The following LYRM4 variants were observed in gnomAD, a reference collection of about 807,000 sequenced individuals.
LYRM4 encodes LYR motif-containing protein 4.
A neutral mutation model predicts 11.7 loss-of-function variants in LYRM4; 9 were observed. The observed-to-expected ratio is 0.77, with a 90% CI of 0.46 to 1.34. The LOEUF is 1.34. Ranked by LOEUF, LYRM4 falls within the 40% of genes most tolerant of loss-of-function variation. The pLI is 0.00. For synonymous variants in LYRM4, 42 were observed against 40.4 expected (o/e 1.04, Z -0.15); for missense variants, 133 against 112.5 (o/e 1.18, Z -0.82).
chr6:5,224,617 CAAT>C (rs1289328278), intron 1 of LYRM4, among the ~76,000 whole-genome samples: 3 of 152,096 alleles, frequency 2.0e-5, no homozygotes, highest in African/African-American at 4.8e-5. Flanking sequence ...CCTAAGTTTT[CAAT>C]AATAGAGAAT....
the LYRM4 span, among the ~76,000 whole-genome samples, chr6:5,048,210 G>A: frequency 6.6e-6 from 1 of 152,048 alleles, no homozygotes; most frequent in Non-Finnish European, 1.5e-5. Context: ...ACTTTTCCAT[G>A]TGATAAATCT....
the LYRM4 span, among the ~76,000 whole-genome samples, chr6:5,062,042 T>C: frequency 1.3e-4 from 19 of 151,152 alleles, no homozygotes; most frequent in Non-Finnish European, 2.5e-4. Flanking sequence ...TAAAATACTA[T>C]TATTTTCATT....
chr6:5,215,529 T>C (rs961640203), intron 2 of LYRM4, among the ~76,000 whole-genome samples: 7 of 152,196 alleles, frequency 4.6e-5, no homozygotes, highest in Admixed American at 2.6e-4. Flanking sequence ...CAAGGATGGT[T>C]AGGAGAATCC....
chr6:5,171,975 T>C (rs1205032333), intron 2 of LYRM4, among the ~76,000 whole-genome samples: 2 of 152,178 alleles, frequency 1.3e-5, no homozygotes, highest in Non-Finnish European at 2.9e-5. Flanking sequence ...AACATAACAG[T>C]GACACCCACA....
chr6:5,038,210 C>G, the LYRM4 span, among the ~76,000 whole-genome samples: 3 of 59,694 alleles, frequency 5.0e-5, no homozygotes, highest in African/African-American at 8.9e-5. Context: ...AGACGATGGG[C>G]GGCCGGGCAG....
chr6:5,245,161 T>TATAA (rs1352257340), intron 1 of LYRM4, among the ~76,000 whole-genome samples: 19 of 72,514 alleles, frequency 2.6e-4, no homozygotes, highest in African/African-American at 1.0e-3. Context: ...TATATATATA[T>TATAA]ATAAAATAGG....
At chr6:5,040,372 C>G in the LYRM4 span, among the ~76,000 whole-genome samples, 98 of 148,092 alleles carry the variant, frequency 6.6e-4, 1 homozygote, top group African/African-American at 2.3e-3. Context: ...TACATACATA[C>G]ATACATACAT....
At chr6:5,194,571 A>G (rs1760944524) in intron 2 of LYRM4, among the ~76,000 whole-genome samples, 1 of 152,238 alleles carries the variant, frequency 6.6e-6, no homozygotes, top group Admixed American at 6.5e-5. Context: ...GTTAAATGCA[A>G]TAGCATTGTT....
chr6:5,106,550 A>C (rs879510656), downstream of LYRM4: 1 of 152,308 alleles, frequency 6.6e-6, no homozygotes, highest in African/African-American at 2.4e-5. Context: ...AGTTAGCAGC[A>C]GGACGGAGTA....
chr6:5,239,443 G>A (rs1195442399), intron 1 of LYRM4, among the ~76,000 whole-genome samples: 1 of 152,074 alleles, frequency 6.6e-6, no homozygotes, highest in African/African-American at 2.4e-5. Flanking sequence ...GACAAATGGA[G>A]GGGAATCACT....
the LYRM4 span, among the ~76,000 whole-genome samples, chr6:5,045,521 T>C: frequency 1.3e-5 from 2 of 152,170 alleles, no homozygotes; most frequent in African/African-American, 2.4e-5. Context: ...AAGATGAAAA[T>C]GTTCTGGAAA....
At chr6:5,134,602 TAC>T (rs1244427202) in intron 2 of LYRM4, among the ~76,000 whole-genome samples, 4 of 152,230 alleles carry the variant, frequency 2.6e-5, no homozygotes, top group African/African-American at 4.8e-5. Context: ...TGAAAACGAA[TAC>T]ACAGTTTCTC....
the LYRM4 span, among the ~76,000 whole-genome samples, chr6:5,037,423 C>A: frequency 5.7e-5 from 2 of 34,870 alleles, 1 homozygote; most frequent in African/African-American, 1.4e-4. Context: ...CCACACAGAC[C>A]CGGCAACCAT....
intron 1 of LYRM4, among the ~76,000 whole-genome samples, chr6:5,254,053 A>C (rs1764558090): frequency 1.3e-5 from 2 of 152,214 alleles, no homozygotes; most frequent in South Asian, 4.1e-4. Flanking sequence ...TGTCTGCTCC[A>C]CTAGAGCTTC....
the LYRM4 span, among the ~76,000 whole-genome samples, chr6:5,097,890 A>G: frequency 2.0e-4 from 31 of 152,316 alleles, no homozygotes; most frequent in African/African-American, 7.5e-4. Flanking sequence ...GTTTCCTTAC[A>G]ACAGCCTCTT....
chr6:5,110,277 A>C (rs1390566181), intron 2 of LYRM4, among the ~76,000 whole-genome samples: 1 of 113,236 alleles, frequency 8.8e-6, no homozygotes, highest in East Asian at 1.9e-4. Flanking sequence ...TCTATGGGTA[A>C]TTCGGGGTGA....
Position 5,151,378 on chromosome 6 carries a change from C to T in LYRM4, c.208-41887G>A, listed in dbSNP as rs375035820. On this transcript the variant is annotated intron_variant, in intron 2 of 2. Coordinates refer to ENST00000330636, the MANE Select transcript of LYRM4 (RefSeq NM_020408.6). ...GATTACAGGCATGAGCCACCGCACC[C>T]GGCCTCCAAAATGCCTTTTAAATAA... Among the ~76,000 whole-genome samples the T allele has an allele frequency of 2.3e-4, 35 of 152,260 alleles. No homozygotes were observed. The East Asian group carries it at 3.5e-3, about 15-fold the overall frequency.
chr6:5,059,550 A>G, the LYRM4 span, among the ~76,000 whole-genome samples: 3 of 152,128 alleles, frequency 2.0e-5, no homozygotes, highest in African/African-American at 7.2e-5. Context: ...TGTCGCAGGA[A>G]GAGGACTGTG....
the LYRM4 span, among the ~76,000 whole-genome samples, chr6:5,046,877 C>T: frequency 6.6e-6 from 1 of 152,078 alleles, no homozygotes; most frequent in African/African-American, 2.4e-5. Flanking sequence ...ATCGCTTGAG[C>T]CCAGGAGTTC....
Sources: gnomAD v4.1 joint callset for allele counts (sites outside exome capture counted in the v4.1 genomes callset) on GRCh38, gnomAD v4.1.1 for gene constraint, MANE v1.5 for transcripts, NCBI Gene and HGNC (gene_info 2026-07-23, HGNC 2026-07-21) for gene names.